The following PHF8 variants were observed in gnomAD, a reference collection of about 807,000 sequenced individuals.
PHF8 encodes the protein PHD finger protein 8.
A neutral mutation model predicts 74.4 loss-of-function variants in PHF8; 9 were observed. The ratio of observed to expected loss-of-function variants is 0.12; its 90% CI spans 0.07 to 0.21. PHF8 has a LOEUF of 0.21. Ranked by LOEUF, PHF8 falls within the 10% of genes least tolerant of loss-of-function variation. PHF8 has a pLI of 1.00. For synonymous variants in PHF8, 311 were observed against 316.6 expected (o/e 0.98, Z 0.19); for missense variants, 478 against 816.6 (o/e 0.59, Z 5.05).
intron 2 of PHF8, among the ~76,000 whole-genome samples, chrX:54,041,794 T>C (rs1450489625): frequency 8.9e-6 from 1 of 112,475 alleles, no homozygotes; most frequent in Non-Finnish European, 1.9e-5. Flanking sequence ...ATGGAGTACA[T>C]CCAAACTGCT....
intron 6 of PHF8, among the ~76,000 whole-genome samples, 167 bp from the exon 7 acceptor site, chrX:54,014,730 G>C (rs1557107575): frequency 9.0e-6 from 1 of 111,162 alleles, no homozygotes; most frequent in East Asian, 2.8e-4. Flanking sequence ...CTGTAAGTCT[G>C]GTCAGTATCC....
chrX:53,991,391 T>G (rs2054891783), intron 14 of PHF8, among the ~76,000 whole-genome samples: 1 of 111,495 alleles, frequency 9.0e-6, no homozygotes, highest in Non-Finnish European at 1.9e-5. Context: ...GCCGGGCATG[T>G]TGGCTCATGC....
At chrX:54,014,294 T>C (rs1291024048) in intron 7 of PHF8, 83 bp downstream of exon 7, 1 of 710,880 alleles carries the variant, frequency 1.4e-6, no homozygotes, top group African/African-American at 2.1e-5. Context: ...ATCAAACTGA[T>C]TCAAAATGTT....
intron 19 of PHF8, among the ~76,000 whole-genome samples, chrX:53,954,042 C>CA (rs1557087884): frequency 1.8e-5 from 2 of 111,845 alleles, no homozygotes; most frequent in Non-Finnish European, 3.8e-5. Flanking sequence ...GTCAATCCAT[C>CA]AACAAGGTAT....
chrX:54,011,011 G>A (rs2065974786), intron 8 of PHF8, 111 bp downstream of exon 8: 6 of 697,646 alleles, frequency 8.6e-6, no homozygotes, highest in Non-Finnish European at 1.4e-5. Context: ...TGCGCCTTTC[G>A]CTGATATGAG....
Position 54,042,612 on chromosome X carries a change from C to A in PHF8, c.98+19G>T. On this transcript the variant is annotated intron_variant, in intron 2 of 21. Transcript: ENST00000338154. ...CACCTGGCCACCGCACCCTGTGTAGCCTGGCCTGCCCTCCTTACCTGCCAT... is the reference window on the plus strand; with the variant it reads ...CACCTGGCCACCGCACCCTGTGTAGACTGGCCTGCCCTCCTTACCTGCCAT... 1 of 1,191,942 alleles carries A rather than the reference C, an allele frequency of 8.4e-7. No individual in the cohort carries two copies. The highest frequency in any genetic ancestry group is 1.1e-6 in the Non-Finnish European group (1 of 879,947).
chrX:53,968,182 C>T (rs2065241588), intron 18 of PHF8, among the ~76,000 whole-genome samples: 2 of 109,372 alleles, frequency 1.8e-5, no homozygotes, highest in Non-Finnish European at 1.9e-5. Context: ...AAAGAAAGCT[C>T]TGCTTAGAGG....
intron 18 of PHF8, among the ~76,000 whole-genome samples, chrX:53,965,650 A>G (rs782415237): frequency 8.9e-6 from 1 of 112,116 alleles, no homozygotes; most frequent in Non-Finnish European, 1.9e-5. Flanking sequence ...TCTCTATCAG[A>G]AAGTCTCAGC....
intron 2 of PHF8, among the ~76,000 whole-genome samples, chrX:54,032,844 C>T (rs1557112959): frequency 9.0e-6 from 1 of 110,815 alleles, no homozygotes; most frequent in East Asian, 2.8e-4. Flanking sequence ...TAGAGGAGAC[C>T]CAGGTTTGAT....
At chrX:53,953,105 C>G (rs1253944310) in intron 19 of PHF8, among the ~76,000 whole-genome samples, 1 of 106,848 alleles carries the variant, frequency 9.4e-6, no homozygotes, top group African/African-American at 3.4e-5. Flanking sequence ...GAAACCCCGT[C>G]TCCACTAAAC....
chrX:53,993,427 G>A (rs1305411779), intron 13 of PHF8, among the ~76,000 whole-genome samples, 174 bp downstream of exon 13: 1 of 112,000 alleles, frequency 8.9e-6, no homozygotes, highest in Non-Finnish European at 1.9e-5. Flanking sequence ...ACCTATCACA[G>A]TGCCCGGCAT....
At chrX:54,036,221 G>A (rs1034270640) in intron 2 of PHF8, among the ~76,000 whole-genome samples, 7 of 110,201 alleles carry the variant, frequency 6.4e-5, no homozygotes, top group South Asian at 7.7e-4. Flanking sequence ...ACCCAAAAAT[G>A]GCAGAATACA....
rs1215061206 is a variant in PHF8, at chrX:53,946,248, AATG to A, written c.2540-2008_2540-2006del. 2.7e-5 allele frequency among the ~76,000 whole-genome samples: 3 copies of A among 112,391 alleles called. No homozygotes were observed. In the Admixed American group the frequency reaches 2.8e-4, roughly 11 times the overall value. ...TTCACCTCAAGAAGAAAAAACTTATAATGATGAGATCAAGAGATTACCACTTTA... is the reference window on the plus strand; with the variant it reads ...TTCACCTCAAGAAGAAAAAACTTATAATGAGATCAAGAGATTACCACTTTA... On this transcript the variant is annotated intron_variant, in intron 19 of 21. Transcript: ENST00000338154.
chrX:53,966,790 C>T (rs77224182), intron 18 of PHF8, among the ~76,000 whole-genome samples: 1 of 105,248 alleles, frequency 9.5e-6, no homozygotes, highest in Admixed American at 9.9e-5. Flanking sequence ...AAGTGAGGAG[C>T]GCCTCTTCCC....
intron 18 of PHF8, among the ~76,000 whole-genome samples, chrX:53,980,173 G>A (rs967784693): frequency 3.6e-5 from 4 of 111,237 alleles, no homozygotes; most frequent in Admixed American, 9.7e-5. Context: ...TATGAATACT[G>A]GAGAGGAGGA....
chrX:53,994,053 G>A (rs781792954), intron 12 of PHF8, 150 bp from the exon 13 acceptor site: 2 of 457,497 alleles, frequency 4.4e-6, no homozygotes, highest in East Asian at 3.7e-5. Flanking sequence ...TTTACATAAT[G>A]AGTCATCAAG....
intron 4 of PHF8, among the ~76,000 whole-genome samples, chrX:54,021,929 C>T (rs978252929): frequency 8.1e-5 from 9 of 111,337 alleles, no homozygotes; most frequent in Non-Finnish European, 1.3e-4. Context: ...AACCTCTTTT[C>T]GATCATAAAA....
chrX:54,044,498 C>T (rs181693860), upstream of PHF8: 1 of 638,212 alleles, frequency 1.6e-6, no homozygotes, highest in African/African-American at 2.4e-5. Context: ...GGCGGGGAAC[C>T]GCGAGCCGCC....
intron 18 of PHF8, among the ~76,000 whole-genome samples, chrX:53,980,387 G>A (rs782430728): frequency 5.4e-5 from 6 of 111,158 alleles, no homozygotes; most frequent in Non-Finnish European, 7.5e-5. Context: ...CGTCATGGGC[G>A]TATATGCACA....
Sources: gnomAD v4.1 joint callset for allele counts (sites outside exome capture counted in the v4.1 genomes callset) on GRCh38, gnomAD v4.1.1 for gene constraint, MANE v1.5 for transcripts, NCBI Gene and HGNC (gene_info 2026-07-23, HGNC 2026-07-21) for gene names.